The following PSD3 variants were observed in gnomAD, a reference collection of about 807,000 sequenced individuals.
The protein encoded by PSD3 is pleckstrin and Sec7 domain containing 3.
PSD3 carries 49 observed loss-of-function variants against 105.5 expected under a neutral mutation model. The ratio of observed to expected loss-of-function variants is 0.46; its 90% CI spans 0.37 to 0.59. The LOEUF is 0.59. PSD3 is among the 20% of genes least tolerant of loss of function. The probability of loss-of-function intolerance (pLI) is 0.00; values close to 1 mark genes in which losing one functional copy is unlikely to be tolerated. For synonymous variants in PSD3, 557 were observed against 457.8 expected, an observed-to-expected ratio of 1.22 and a Z score of -2.77; for missense variants, 1,561 against 1,263.8, an observed-to-expected ratio of 1.24 and a Z score of -3.57.
intron 9 of PSD3, among the ~76,000 whole-genome samples, chr8:18,718,622 ATGTATTAGC>A (rs1367779116): frequency 6.6e-6 from 1 of 152,240 alleles, no homozygotes; most frequent in Non-Finnish European, 1.5e-5. Flanking sequence ...ACATGTATTC[ATGTATTAGC>A]TGTGCTTTTG....
rs1802398602 is a variant in PSD3 at position 18,575,250 on chromosome 8, C to T, written c.2517G>A (p.Glu839=). Residue 839 remains glutamate, a synonymous_variant, in exon 13 of 16, where the codon GAG becomes GAA. Coordinates refer to ENST00000327040, the MANE Select transcript of PSD3 (RefSeq NM_015310.4). ...EYKPEKALSE[E]DLKNAVSVHH... Reference sequence around the variant, plus strand: ...GCACACTCACAGCGTTTTTCAAGTCCTCTTCAGACAAGGCCTTTTCTGGCT... The same window carrying T: ...GCACACTCACAGCGTTTTTCAAGTCTTCTTCAGACAAGGCCTTTTCTGGCT... 1.2e-6 allele frequency: 2 copies of T among 1,612,652 alleles called. No homozygotes were observed. Among genetic ancestry groups the T allele is most frequent in the East Asian group, 4.5e-5 (2 of 44,788 alleles).
chr8:18,610,381 T>A (rs980991836), intron 11 of PSD3, among the ~76,000 whole-genome samples: 1 of 152,188 alleles, frequency 6.6e-6, no homozygotes, highest in East Asian at 1.9e-4. Flanking sequence ...GTGTTCGAAC[T>A]GTATTCAAAT....
In PSD3 at chr8:18,824,385, G is replaced by A. The variant is rs78537712; in HGVS notation, c.1635-19487C>T. ...AATGATAAATTTGGAGGCTCAAGCCGACCAAAGTTCAGGTCTCAGCTCTAA... is the reference window on the plus strand; with the variant it reads ...AATGATAAATTTGGAGGCTCAAGCCAACCAAAGTTCAGGTCTCAGCTCTAA... On this transcript the variant is annotated intron_variant, in intron 4 of 15. Coordinates refer to ENST00000327040, the MANE Select transcript of PSD3 (RefSeq NM_015310.4). Among the ~76,000 whole-genome samples the A allele has an allele frequency of 4.7e-4, 72 of 152,256 alleles. 1 individual carries two copies. In the East Asian group the frequency reaches 0.013, roughly 27 times the overall value.
chr8:18,754,369 G>C (rs971801492), intron 9 of PSD3, among the ~76,000 whole-genome samples: 2 of 152,084 alleles, frequency 1.3e-5, no homozygotes, highest in African/African-American at 4.8e-5. Flanking sequence ...GGGCGACAGG[G>C]TGAGACTCCA....
intron 2 of PSD3, among the ~76,000 whole-genome samples, chr8:18,897,134 T>C (rs1040040987): frequency 6.6e-6 from 1 of 152,056 alleles, no homozygotes; most frequent in Non-Finnish European, 1.5e-5. Context: ...ATAACAGCCA[T>C]TCTAGCTAGG....
intron 1 of PSD3, among the ~76,000 whole-genome samples, chr8:18,996,965 T>C (rs1826111461): frequency 6.6e-6 from 1 of 151,878 alleles, no homozygotes; most frequent in South Asian, 2.1e-4. Flanking sequence ...AAGTGGTTTT[T>C]TCACATGGCT....
At chr8:18,610,996 C>G (rs1198395798) in intron 11 of PSD3, among the ~76,000 whole-genome samples, 1 of 152,116 alleles carries the variant, frequency 6.6e-6, no homozygotes, top group Non-Finnish European at 1.5e-5. Flanking sequence ...TTGAGTTAAT[C>G]TGGGTACATA....
chr8:18,563,187 G>T (rs1057030186), intron 14 of PSD3, among the ~76,000 whole-genome samples: 16 of 152,036 alleles, frequency 1.1e-4, no homozygotes, highest in South Asian at 4.1e-4. Context: ...GGCAGCTTTT[G>T]GTTTATAGAC....
chr8:18,874,904 T>G (rs2129458012), intron 2 of PSD3, among the ~76,000 whole-genome samples: 2 of 152,246 alleles, frequency 1.3e-5, no homozygotes, highest in East Asian at 1.9e-4. Flanking sequence ...TAAAATAATT[T>G]GAAATATATA....
At chr8:18,658,621 C>T (rs556025983) in intron 9 of PSD3, among the ~76,000 whole-genome samples, 13 of 150,742 alleles carry the variant, frequency 8.6e-5, no homozygotes, top group Non-Finnish European at 1.8e-4. Context: ...ATCCTGGGCT[C>T]AAGGGATCCT....
At chr8:18,704,364 CAG>C (rs1277135191) in intron 9 of PSD3, among the ~76,000 whole-genome samples, 1 of 152,072 alleles carries the variant, frequency 6.6e-6, no homozygotes, top group Non-Finnish European at 1.5e-5. Flanking sequence ...TTTTGTGAGA[CAG>C]AGTCTCTGTC....
chr8:19,049,368 G>T (rs764465901), intron 1 of PSD3, among the ~76,000 whole-genome samples: 20 of 152,128 alleles, frequency 1.3e-4, no homozygotes, highest in Non-Finnish European at 8.8e-5. Flanking sequence ...GTGCTTCTAA[G>T]ACCTTCATGT....
intron 4 of PSD3, among the ~76,000 whole-genome samples, chr8:18,833,289 C>T (rs1395311285): frequency 1.3e-5 from 2 of 152,176 alleles, no homozygotes; most frequent in African/African-American, 2.4e-5. Flanking sequence ...GTGTGAAGAA[C>T]ACAGAGCAGG....
At chr8:19,077,404 T>G (rs1044794258) in intron 1 of PSD3, among the ~76,000 whole-genome samples, 1 of 152,050 alleles carries the variant, frequency 6.6e-6, no homozygotes, top group Non-Finnish European at 1.5e-5. Context: ...TCACAGGAAA[T>G]ATGCACAACA....
At chr8:18,716,575 G>A (rs574853701) in intron 9 of PSD3, among the ~76,000 whole-genome samples, 7 of 152,256 alleles carry the variant, frequency 4.6e-5, no homozygotes, top group East Asian at 1.9e-4. Flanking sequence ...GAGGCAGGGA[G>A]GGTATTCAAG....
At chr8:18,585,264 C>T (rs1452932708) in intron 12 of PSD3, among the ~76,000 whole-genome samples, 1 of 152,128 alleles carries the variant, frequency 6.6e-6, no homozygotes, top group Admixed American at 6.5e-5. Context: ...ACACAGACTG[C>T]TGTAGGAAGA....
intron 2 of PSD3, among the ~76,000 whole-genome samples, chr8:18,879,787 G>A (rs940231004): frequency 1.2e-4 from 18 of 151,928 alleles, no homozygotes; most frequent in East Asian, 3.9e-4. Flanking sequence ...TTGTAGAGAC[G>A]GGGTTTCCCT....
intron 15 of PSD3, among the ~76,000 whole-genome samples, chr8:18,553,643 A>C (rs1800904661): frequency 6.6e-6 from 1 of 152,184 alleles, no homozygotes; most frequent in Middle Eastern, 3.2e-3. Flanking sequence ...CTCTGCAAGC[A>C]CTCACGAGAG....
chr8:19,007,251 C>G (rs1826725596), intron 1 of PSD3, among the ~76,000 whole-genome samples: 1 of 117,598 alleles, frequency 8.5e-6, no homozygotes, highest in South Asian at 3.1e-4. Context: ...GACCCTGTCT[C>G]AAAAAAAATA....
Sources: allele counts gnomAD v4.1 joint callset (sites outside exome capture counted in the v4.1 genomes callset), GRCh38; gene constraint gnomAD v4.1.1; transcripts MANE v1.5; gene names NCBI Gene and HGNC (gene_info 2026-07-23, HGNC 2026-07-21).